The following MTCL2 variants were observed in gnomAD, a reference collection of about 807,000 sequenced individuals.
MTCL2 encodes the protein microtubule crosslinking factor 2.
the MTCL2 span, chr20:36,808,396 G>C: frequency 1.3e-6 from 1 of 782,442 alleles, no homozygotes; most frequent in Non-Finnish European, 2.0e-6. Flanking sequence ...AAGGAAGCCT[G>C]CATGCTGATG....
chr20:36,791,788 A>G, the MTCL2 span, among the ~76,000 whole-genome samples: 1 of 152,220 alleles, frequency 6.6e-6, no homozygotes, highest in African/African-American at 2.4e-5. Context: ...AAGGAGGAAT[A>G]TGATATCAGA....
chr20:36,841,894 T>G, the MTCL2 span, among the ~76,000 whole-genome samples: 1 of 150,566 alleles, frequency 6.6e-6, no homozygotes, highest in East Asian at 2.0e-4. Context: ...TGTGTGTGTG[T>G]GTGTGTGTGT....
the MTCL2 span, among the ~76,000 whole-genome samples, chr20:36,856,933 T>C: frequency 6.6e-6 from 1 of 152,184 alleles, no homozygotes; most frequent in African/African-American, 2.4e-5. Context: ...AAATGCTACA[T>C]GCCTAATGTT....
chr20:36,784,786 G>A, the MTCL2 span: 2 of 985,686 alleles, frequency 2.0e-6, no homozygotes, highest in Non-Finnish European at 2.4e-6. Flanking sequence ...AAGGCCATAA[G>A]GCTAAGGAGA....
the MTCL2 span, among the ~76,000 whole-genome samples, chr20:36,843,802 T>TC: frequency 1.4e-4 from 21 of 152,354 alleles, no homozygotes; most frequent in African/African-American, 5.1e-4. Flanking sequence ...CACACAACCC[T>TC]ATGATGCTGG....
chr20:36,804,985 T>C, the MTCL2 span: 1 of 1,504,216 alleles, frequency 6.6e-7, no homozygotes, highest in South Asian at 1.2e-5. Context: ...CACCTAGGAG[T>C]CCAGCTTGGG....
chr20:36,781,010 G>T, the MTCL2 span: 1 of 152,154 alleles, frequency 6.6e-6, no homozygotes, highest in Non-Finnish European at 1.5e-5. Context: ...AAACTCAAGA[G>T]TAAAACTTAA....
At chr20:36,825,187 C>T in the MTCL2 span, among the ~76,000 whole-genome samples, 1 of 152,050 alleles carries the variant, frequency 6.6e-6, no homozygotes, top group Admixed American at 6.6e-5. Context: ...AGGTGATCCA[C>T]CCGCCTTGGC....
the MTCL2 span, among the ~76,000 whole-genome samples, chr20:36,856,759 CAGT>C: frequency 6.6e-6 from 1 of 152,256 alleles, no homozygotes; most frequent in Non-Finnish European, 1.5e-5. Flanking sequence ...CCACTGAAAA[CAGT>C]AGTAGTTTGT....
At chr20:36,789,055 C>A in the MTCL2 span, among the ~76,000 whole-genome samples, 4,223 of 152,224 alleles carry the variant, frequency 0.028, 242 homozygotes, top group African/African-American at 0.097. Context: ...ATTGGGTGAG[C>A]CACTGCGCCC....
the MTCL2 span, chr20:36,817,331 TG>T: frequency 7.6e-7 from 1 of 1,314,356 alleles, no homozygotes; most frequent in Non-Finnish European, 1.0e-6. Flanking sequence ...GGGCAGAATC[TG>T]GGATCCCCAG....
At chr20:36,797,072 G>A in the MTCL2 span, 3 of 870,508 alleles carry the variant, frequency 3.4e-6, no homozygotes, top group Non-Finnish European at 5.7e-6. Context: ...CAGGAATGAT[G>A]TCATCAATGA....
At chr20:36,849,846 G>A in the MTCL2 span, among the ~76,000 whole-genome samples, 1 of 152,170 alleles carries the variant, frequency 6.6e-6, no homozygotes, top group Non-Finnish European at 1.5e-5. Context: ...CTGGTGAGCT[G>A]TGGGGCTGGA....
the MTCL2 span, chr20:36,863,243 C>G: frequency 8.3e-7 from 1 of 1,198,418 alleles, no homozygotes; most frequent in Admixed American, 4.5e-5. This position sits in a 1 kb window ranked among gnomAD's most constrained non-coding sequence, Gnocchi z 6.2. Context: ...GGGCCGGCGA[C>G]GGCGCGCGGT....
At chr20:36,849,362 A>G in the MTCL2 span, among the ~76,000 whole-genome samples, 2 of 151,982 alleles carry the variant, frequency 1.3e-5, no homozygotes, top group African/African-American at 2.4e-5. Flanking sequence ...CCCAGCCAAA[A>G]TAAGATATAA....
At chr20:36,834,514 T>C in the MTCL2 span, among the ~76,000 whole-genome samples, 3 of 152,212 alleles carry the variant, frequency 2.0e-5, no homozygotes, top group South Asian at 6.2e-4. Flanking sequence ...CCTGGGAATG[T>C]ATGTTGTGAA....
the MTCL2 span, among the ~76,000 whole-genome samples, chr20:36,853,488 C>A: frequency 6.6e-6 from 1 of 152,164 alleles, no homozygotes; most frequent in South Asian, 2.1e-4. Context: ...GCGTTTAATG[C>A]GTTCCAGACA....
chr20:36,854,639 G>A, the MTCL2 span, among the ~76,000 whole-genome samples: 1 of 152,276 alleles, frequency 6.6e-6, no homozygotes, highest in Non-Finnish European at 1.5e-5. Flanking sequence ...AGGCGGGGAG[G>A]GGAGAGGCTG....
the MTCL2 span, among the ~76,000 whole-genome samples, chr20:36,814,286 T>C: frequency 1.3e-5 from 2 of 152,180 alleles, no homozygotes; most frequent in Non-Finnish European, 2.9e-5. Flanking sequence ...AACAAACTGA[T>C]ACATTGCGTT....
Sources: gnomAD v4.1 joint callset for allele counts (sites outside exome capture counted in the v4.1 genomes callset) on GRCh38, gnomAD v4.1.1 for gene constraint, Gnocchi (gnomAD v3.1) non-coding constraint, MANE v1.5 for transcripts, NCBI Gene and HGNC (gene_info 2026-07-23, HGNC 2026-07-21) for gene names.